Variants in ZDHHC20 observed in about 807,000 individuals in gnomAD.
ZDHHC20 encodes palmitoyltransferase ZDHHC20.
Under a neutral mutation model 57.8 loss-of-function variants are expected in ZDHHC20, and 43 were observed. The ratio of observed to expected loss-of-function variants is 0.74; its 90% CI spans 0.58 to 0.96. The LOEUF (loss-of-function observed/expected upper bound fraction) is 0.96. ZDHHC20 is among the 40% of genes least tolerant of loss of function. The pLI is 0.00. For synonymous variants in ZDHHC20, 157 were observed against 153.0 expected (o/e 1.03, Z -0.19); for missense variants, 391 against 441.1 (o/e 0.89, Z 1.02).
chr13:21,400,477 C>G lies in ZDHHC20; in HGVS notation c.490G>C (p.Gly164Arg), dbSNP rs549062090. ...AGGAAGAATTTGTAATTAGAAAATC[C>G]CACACAGTTATTCACCCTGGAAAAA... is the stretch of plus-strand genomic sequence containing the variant. ...HHCPWVNNCV[G>R]FSNYKFFLLF... The change falls in exon 7 of 13, where the codon GGA (glycine) becomes CGA (arginine). Residue 164 changes from glycine (G) to arginine (R), a missense_variant. By Grantham distance (125) the Gly-to-Arg change is moderately radical. Around this residue, in one of 3 missense-constraint regions of ZDHHC20, gnomAD observed 9 missense variants for 32.2 expected, o/e 0.28. Transcript: ENST00000400590. 6.4e-7 allele frequency: 1 copy of G among 1,558,496 alleles called. No homozygotes were observed. Among genetic ancestry groups the G allele is most frequent in the South Asian group, 1.2e-5 (1 of 82,030 alleles).
At chr13:21,380,307 G>C (rs12864599) in intron 11 of ZDHHC20, among the ~76,000 whole-genome samples, 36,195 of 150,560 alleles carry the variant, frequency 0.24, 5,315 homozygotes, top group East Asian at 0.73. Context: ...GTAGAGATGG[G>C]GTTTCACCAC....
At chr13:21,400,100 C>T (rs1458776764) in intron 7 of ZDHHC20, among the ~76,000 whole-genome samples, 1 of 149,578 alleles carries the variant, frequency 6.7e-6, no homozygotes, top group East Asian at 1.9e-4. Flanking sequence ...AATTTACCTC[C>T]CTAAAATGAA....
intron 4 of ZDHHC20, among the ~76,000 whole-genome samples, chr13:21,410,053 T>C (rs1878998350): frequency 1.3e-5 from 2 of 152,216 alleles, no homozygotes; most frequent in South Asian, 4.1e-4. Flanking sequence ...TTGGTGACCT[T>C]CAGATGGGGT....
In ZDHHC20 at chr13:21,459,075, A is replaced by G. The variant is rs777291944; in HGVS notation, c.97T>C (p.Tyr33His). Residue 33 changes from tyrosine (Y) to histidine (H), a missense_variant, in exon 1 of 13, where the codon TAC becomes CAC. Transcript: ENST00000400590. ...TFVVVWSYYA[Y>H]VVELCVFTIF... is the part of the protein sequence containing the mutation. ...TCACACACGCAGAGCTCCACCACGTACGCGTAGTAGGACCAGACGACCACG... is the reference window on the plus strand; with the variant it reads ...TCACACACGCAGAGCTCCACCACGTGCGCGTAGTAGGACCAGACGACCACG... 4 of 1,603,438 alleles carry G rather than the reference A, an allele frequency of 2.5e-6. No individual in the cohort carries two copies. In the East Asian group the frequency reaches 9.1e-5, roughly 36 times the overall value.
At chr13:21,435,183 T>C (rs1331321003) in intron 1 of ZDHHC20, among the ~76,000 whole-genome samples, 2 of 152,204 alleles carry the variant, frequency 1.3e-5, no homozygotes, top group Non-Finnish European at 2.9e-5. Flanking sequence ...CTTATGCTTA[T>C]GTGTCATTTT....
chr13:21,409,086 C>G (rs1037776455), intron 4 of ZDHHC20, among the ~76,000 whole-genome samples: 1 of 152,124 alleles, frequency 6.6e-6, no homozygotes, highest in Non-Finnish European at 1.5e-5. Flanking sequence ...TGTCACATCT[C>G]TGCTAGGTTT....
intron 1 of ZDHHC20, among the ~76,000 whole-genome samples, chr13:21,448,258 G>A (rs1374039169): frequency 1.4e-5 from 1 of 71,210 alleles, no homozygotes; most frequent in African/African-American, 4.5e-5. Flanking sequence ...CTGCCCGGCC[G>A]CCCCTACTGG....
chr13:21,414,400 G>A (rs902137184), intron 3 of ZDHHC20, among the ~76,000 whole-genome samples: 10 of 149,052 alleles, frequency 6.7e-5, no homozygotes, highest in African/African-American at 2.2e-4. Context: ...TTGCTCTGTC[G>A]CCCAGGCTAG....
At chr13:21,425,157 A>C (rs1016744703) in intron 2 of ZDHHC20, among the ~76,000 whole-genome samples, 5 of 152,192 alleles carry the variant, frequency 3.3e-5, no homozygotes, top group African/African-American at 1.2e-4. Context: ...AGTTGTTATA[A>C]AAACTTTAGC....
intron 1 of ZDHHC20, among the ~76,000 whole-genome samples, chr13:21,456,569 C>G (rs556394382): frequency 6.7e-4 from 102 of 152,208 alleles, no homozygotes; most frequent in African/African-American, 2.3e-3. Context: ...CAAATACATA[C>G]AAGTAGTTTA....
At chr13:21,443,832 G>A (rs1883418455) in intron 1 of ZDHHC20, among the ~76,000 whole-genome samples, 1 of 152,160 alleles carries the variant, frequency 6.6e-6, no homozygotes. Context: ...ACTTCCACAT[G>A]TGGCTATAGA....
chr13:21,401,826 A>C, intron 5 of ZDHHC20, 141 bp from the exon 6 acceptor site: 1 of 686,358 alleles, frequency 1.5e-6, no homozygotes, highest in Non-Finnish European at 2.3e-6. Flanking sequence ...GGTTAGAGAT[A>C]ATTTCTGATG....
chr13:21,441,811 CTGT>C (rs1883201760), intron 1 of ZDHHC20, among the ~76,000 whole-genome samples: 1 of 151,928 alleles, frequency 6.6e-6, no homozygotes, highest in African/African-American at 2.4e-5. Flanking sequence ...TCTGGGTTTT[CTGT>C]TGTTATTCTC....
chr13:21,428,106 T>G (rs1881489024), intron 1 of ZDHHC20, among the ~76,000 whole-genome samples: 2 of 152,310 alleles, frequency 1.3e-5, no homozygotes, highest in South Asian at 4.1e-4. Flanking sequence ...TATTTGCTAA[T>G]GGCACCTCTA....
chr13:21,435,052 T>C (rs1207233127), intron 1 of ZDHHC20, among the ~76,000 whole-genome samples: 1 of 152,224 alleles, frequency 6.6e-6, no homozygotes, highest in Non-Finnish European at 1.5e-5. Flanking sequence ...TTTATACTTC[T>C]ACCAGCAATG....
chr13:21,374,860 G>A lies in ZDHHC20; in HGVS notation c.*1836C>T, dbSNP rs1228095825. On this transcript the variant is annotated 3_prime_UTR_variant, in exon 13 of 13. Transcript: ENST00000400590. The stretch of plus-strand genomic sequence containing the variant: ...TCCAAAAAATTTACCGGGGCGGGGC[G>A]TGGTGGCTCACGCCTGTAATCCCAG... The A allele has an allele frequency of 3.6e-5, 11 of 302,794 alleles. No individual in the cohort carries two copies. Among genetic ancestry groups the A allele is most frequent in the African/African-American group, 1.8e-4 (8 of 44,938 alleles). 18.8% of individuals were successfully genotyped at this position (302,794 alleles called of 1,614,324 possible). A position where few individuals can be genotyped will look rare whatever the true frequency, so the allele number is the denominator to read the frequency against.
intron 4 of ZDHHC20, among the ~76,000 whole-genome samples, chr13:21,411,735 G>C (rs534618294): frequency 1.3e-5 from 2 of 152,310 alleles, no homozygotes; most frequent in South Asian, 4.1e-4. Context: ...GTAGCTAGAA[G>C]AATGACGGTG....
chr13:21,416,780 A>C (rs554744482), intron 3 of ZDHHC20, among the ~76,000 whole-genome samples: 4 of 152,200 alleles, frequency 2.6e-5, no homozygotes, highest in Non-Finnish European at 5.9e-5. Context: ...AAGCACAAGG[A>C]TGTGAAAATA....
intron 1 of ZDHHC20, among the ~76,000 whole-genome samples, chr13:21,427,031 G>A (rs781018158): frequency 2.0e-4 from 30 of 152,036 alleles, no homozygotes; most frequent in Non-Finnish European, 3.2e-4. Context: ...ACCCTTCAAG[G>A]CCCGTTTTGA....
Sources: allele counts gnomAD v4.1 joint callset (sites outside exome capture counted in the v4.1 genomes callset), GRCh38; gene constraint gnomAD v4.1.1; regional missense constraint gnomAD v4.1.1; transcripts MANE v1.5; gene names NCBI Gene and HGNC (gene_info 2026-07-23, HGNC 2026-07-21).